LRRFIP1: variants seen among roughly 807,000 people sequenced by gnomAD.
LRRFIP1 encodes leucine-rich repeat flightless-interacting protein 1.
In LRRFIP1, 62 loss-of-function variants were observed where a neutral mutation model predicts 104.4. The ratio of observed to expected loss-of-function variants is 0.59; its 90% CI spans 0.48 to 0.73. The LOEUF (loss-of-function observed/expected upper bound fraction) is 0.73, where lower values mean the gene tolerates loss of function less well. Ranked by LOEUF, LRRFIP1 falls within the 30% of genes least tolerant of loss-of-function variation. The pLI is 0.00. For synonymous variants in LRRFIP1, 300 were observed against 299.0 expected, an observed-to-expected ratio of 1.00 and a Z score of -0.03; for missense variants, 796 against 824.5, an observed-to-expected ratio of 0.97 and a Z score of 0.42.
chr2:237,677,345 C>T (rs1272407513), intron 1 of LRRFIP1, among the ~76,000 whole-genome samples: 1 of 152,236 alleles, frequency 6.6e-6, no homozygotes, highest in Non-Finnish European at 1.5e-5. Flanking sequence ...GGTTTTCTCA[C>T]ATTTTAGCAG....
Position 237,627,725 on chromosome 2 carries a change from C to A in LRRFIP1, c.81C>A (p.Asn27Lys). 7.5e-7 allele frequency: 1 copy of A among 1,335,846 alleles called. No homozygotes were observed. 82.7% of individuals were successfully genotyped at this position (1,335,846 alleles called of 1,614,324 possible). A position where few individuals can be genotyped will look rare whatever the true frequency, so the allele number is the denominator to read the frequency against. The change falls in exon 1 of 24, where the codon AAC becomes AAA. Residue 27 changes from asparagine (N) to lysine (K), a missense_variant. Transcript: ENST00000308482. ...TCACGGCGGAGGACGACGCGCTCAA[C>A]CAGATCGCGCGGGAGGTGAGCGCTC... ...ERLTAEDDAL[N>K]QIAREAEARL...
In LRRFIP1 at chr2:237,627,759, C is replaced by T. The variant is rs1262150451; in HGVS notation, c.96+19C>T. 7 of 1,225,198 alleles carry T rather than the reference C, an allele frequency of 5.7e-6. No homozygotes were observed. The highest frequency in any genetic ancestry group is 7.2e-6 in the Non-Finnish European group (7 of 977,130). 75.9% of individuals were successfully genotyped at this position (1,225,198 alleles called of 1,614,324 possible). On this transcript the variant is annotated intron_variant, in intron 1 of 23. Coordinates refer to ENST00000308482, the MANE Select transcript of LRRFIP1 (RefSeq NM_001137550.2). ...GCGGGAGGTGAGCGCTCCGGGAGGGCAGCCGGGGGGCGCCGGGCGGGCGCG... is the reference window on the plus strand; with the variant it reads ...GCGGGAGGTGAGCGCTCCGGGAGGGTAGCCGGGGGGCGCCGGGCGGGCGCG...
intron 1 of LRRFIP1, among the ~76,000 whole-genome samples, chr2:237,676,898 C>G (rs537530507): frequency 1.3e-5 from 2 of 152,330 alleles, no homozygotes; most frequent in Admixed American, 1.3e-4. Flanking sequence ...GCTGATTTCA[C>G]GTGGAGTCTG....
chr2:237,675,189 C>T (rs2090968457), intron 1 of LRRFIP1, among the ~76,000 whole-genome samples: 1 of 152,222 alleles, frequency 6.6e-6, no homozygotes, highest in African/African-American at 2.4e-5. Context: ...TCACCCCGGT[C>T]TTTGTCTCCA....
chr2:237,724,526 CAG>C (rs1295683648), intron 7 of LRRFIP1, among the ~76,000 whole-genome samples: 3 of 152,072 alleles, frequency 2.0e-5, no homozygotes, highest in African/African-American at 7.2e-5. Context: ...GGAGTCAGGA[CAG>C]GGGAAAGCAC....
At chr2:237,764,212 G>A (rs1392539324) in intron 19 of LRRFIP1, 33 of 1,613,312 alleles carry the variant, frequency 2.0e-5, no homozygotes, top group African/African-American at 1.3e-5. Flanking sequence ...CACTGCCAAT[G>A]TAAGTAGAAT....
intron 1 of LRRFIP1, among the ~76,000 whole-genome samples, chr2:237,662,285 T>C (rs74001227): frequency 6.6e-6 from 1 of 152,176 alleles, no homozygotes; most frequent in African/African-American, 2.4e-5. Flanking sequence ...CCCACCCTAA[T>C]CTAGTACGAC....
At position 237,780,343 on chromosome 2, in the gene LRRFIP1, G is replaced by A. The variant is rs1456306133; in HGVS notation, c.*811G>A. ...AATGTGGTTCTAATTTTTTTCCACTGAGAAAGAAGATCTTTAATTTCATAT... is the reference window on the plus strand; with the variant it reads ...AATGTGGTTCTAATTTTTTTCCACTAAGAAAGAAGATCTTTAATTTCATAT... On this transcript the variant is annotated 3_prime_UTR_variant, in exon 24 of 24. Coordinates refer to ENST00000308482, the MANE Select transcript of LRRFIP1 (RefSeq NM_001137550.2). The A allele has an allele frequency of 4.6e-5, 7 of 152,110 alleles. No homozygotes were observed. The highest frequency in any genetic ancestry group is 1.7e-4 in the African/African-American group (7 of 41,416). 9.4% of individuals were successfully genotyped at this position (152,110 alleles called of 1,614,324 possible).
Position 237,763,501 on chromosome 2 carries a change from G to C in LRRFIP1, c.1459+3296G>C, listed in dbSNP as rs115798842. The C allele has an allele frequency of 6.8e-6, 11 of 1,613,600 alleles. No individual in the cohort carries two copies. In the Admixed American group the frequency reaches 1.5e-4, roughly 22 times the overall value. Reference sequence around the variant, plus strand: ...TTAAAGATGTTAAAAAAGAGTTAACGTATCAGAACACAGATTTAAGTGAAA... The same window carrying C: ...TTAAAGATGTTAAAAAAGAGTTAACCTATCAGAACACAGATTTAAGTGAAA... On this transcript the variant is annotated intron_variant, in intron 19 of 23. Transcript: ENST00000308482.
chr2:237,764,267 T>A, intron 19 of LRRFIP1: 2 of 1,587,876 alleles, frequency 1.3e-6, no homozygotes, highest in South Asian at 2.3e-5. Flanking sequence ...TACCAGGTGC[T>A]CTACTGCTTT....
chr2:237,774,805 A>ACC (rs2150935154), intron 23 of LRRFIP1, among the ~76,000 whole-genome samples: 1 of 152,330 alleles, frequency 6.6e-6, no homozygotes, highest in South Asian at 2.1e-4. Flanking sequence ...CAGGTGGAGG[A>ACC]CCAGGAGCCC....
intron 1 of LRRFIP1, among the ~76,000 whole-genome samples, chr2:237,658,898 T>C (rs976674948): frequency 1.3e-5 from 2 of 151,954 alleles, no homozygotes; most frequent in Admixed American, 6.6e-5. Flanking sequence ...CATATCAGTG[T>C]GGTTAGCCTG....
chr2:237,757,656 A>G, intron 17 of LRRFIP1, 108 bp downstream of exon 17: 1 of 721,570 alleles, frequency 1.4e-6, no homozygotes. Flanking sequence ...GTATGCATGC[A>G]ACTCCCACGT....
At chr2:237,753,721 G>A (rs750301768) in intron 15 of LRRFIP1, among the ~76,000 whole-genome samples, 3 of 149,850 alleles carry the variant, frequency 2.0e-5, no homozygotes, top group Non-Finnish European at 3.0e-5. Context: ...GAGCCTGGAA[G>A]GTTGAGGCTG....
intron 1 of LRRFIP1, among the ~76,000 whole-genome samples, chr2:237,669,935 T>C (rs1331308758): frequency 6.6e-6 from 1 of 152,204 alleles, no homozygotes; most frequent in Non-Finnish European, 1.5e-5. Context: ...TTGAGTCAAC[T>C]TCTGGCAAAA....
intron 1 of LRRFIP1, among the ~76,000 whole-genome samples, chr2:237,681,697 TGAGACGGAG>T (rs2091851495): frequency 1.9e-5 from 2 of 107,854 alleles, no homozygotes; most frequent in Admixed American, 1.0e-4. Context: ...TTTTTTTTTT[TGAGACGGAG>T]TCTCGCTCTG....
At chr2:237,671,409 G>A (rs192223467) in intron 1 of LRRFIP1, among the ~76,000 whole-genome samples, 47 of 152,314 alleles carry the variant, frequency 3.1e-4, no homozygotes, top group African/African-American at 1.0e-3. Flanking sequence ...ACCCAGGAAG[G>A]CACAGAATAG....
At chr2:237,680,194 G>C (rs1575418566) in intron 1 of LRRFIP1, among the ~76,000 whole-genome samples, 1 of 152,136 alleles carries the variant, frequency 6.6e-6, no homozygotes, top group Non-Finnish European at 1.5e-5. Context: ...AAAAAAAAAG[G>C]CTGGGTGCAG....
intron 11 of LRRFIP1, among the ~76,000 whole-genome samples, chr2:237,740,585 T>C (rs2095385641): frequency 6.6e-6 from 1 of 152,158 alleles, no homozygotes; most frequent in African/African-American, 2.4e-5. Flanking sequence ...CTTGCGTGGA[T>C]GTACCTTTTT....
Sources: gnomAD v4.1 joint callset for allele counts (sites outside exome capture counted in the v4.1 genomes callset) on GRCh38, gnomAD v4.1.1 for gene constraint, MANE v1.5 for transcripts, NCBI Gene and HGNC (gene_info 2026-07-23, HGNC 2026-07-21) for gene names.